FAM168A: variants seen among roughly 807,000 people sequenced by gnomAD.
FAM168A encodes protein FAM168A.
A neutral mutation model predicts 28.5 loss-of-function variants in FAM168A; 3 were observed. That is an observed-to-expected ratio of 0.11 (90% CI 0.05 to 0.27). The LOEUF (loss-of-function observed/expected upper bound fraction) is 0.27, where lower values mean the gene tolerates loss of function less well. Ranked by LOEUF, FAM168A falls within the 10% of genes least tolerant of loss-of-function variation. The probability of loss-of-function intolerance (pLI) is 1.00; values close to 1 mark genes in which losing one functional copy is unlikely to be tolerated. For synonymous variants in FAM168A, 122 were observed against 124.2 expected, an observed-to-expected ratio of 0.98 and a Z score of 0.12; for missense variants, 222 against 311.5, an observed-to-expected ratio of 0.71 and a Z score of 2.16.
intron 1 of FAM168A, among the ~76,000 whole-genome samples, chr11:73,500,912 A>C (rs1048896796): frequency 8.5e-5 from 13 of 152,164 alleles, no homozygotes; most frequent in African/African-American, 2.9e-4. Flanking sequence ...TAAGGAGTCA[A>C]GACCCATTGG....
intron 1 of FAM168A, among the ~76,000 whole-genome samples, chr11:73,514,889 C>T (rs1255549355): frequency 3.3e-5 from 5 of 151,458 alleles, no homozygotes; most frequent in African/African-American, 1.2e-4. Flanking sequence ...ATCACCTGTA[C>T]ACTACTACAT....
At chr11:73,516,534 C>T (rs1338249688) in intron 1 of FAM168A, among the ~76,000 whole-genome samples, 3 of 152,182 alleles carry the variant, frequency 2.0e-5, no homozygotes, top group Non-Finnish European at 4.4e-5. Flanking sequence ...GAACTGAATG[C>T]TGTTACATTT....
At chr11:73,459,542 T>C (rs1867605614) in intron 2 of FAM168A, among the ~76,000 whole-genome samples, 1 of 151,978 alleles carries the variant, frequency 6.6e-6, no homozygotes, top group African/African-American at 2.4e-5. Flanking sequence ...CACACTATGT[T>C]GCACAGGCTG....
chr11:73,558,267 A>G (rs1943913076), intron 1 of FAM168A, among the ~76,000 whole-genome samples: 1 of 152,248 alleles, frequency 6.6e-6, no homozygotes, highest in South Asian at 2.1e-4. Flanking sequence ...ATTCAACATC[A>G]GCTTGGGCAA....
intron 1 of FAM168A, among the ~76,000 whole-genome samples, chr11:73,576,296 A>C (rs1367747473): frequency 6.6e-6 from 1 of 152,206 alleles, no homozygotes; most frequent in Non-Finnish European, 1.5e-5. Context: ...AATAAAGGGA[A>C]TTGTCAGCCA....
intron 1 of FAM168A, among the ~76,000 whole-genome samples, chr11:73,522,578 C>T (rs1312310798): frequency 6.6e-6 from 1 of 151,844 alleles, no homozygotes; most frequent in African/African-American, 2.4e-5. Context: ...CATCATGATC[C>T]ACCCACCTCA....
chr11:73,458,856 C>T (rs1358600591), intron 2 of FAM168A, among the ~76,000 whole-genome samples: 1 of 152,172 alleles, frequency 6.6e-6, no homozygotes, highest in African/African-American at 2.4e-5. Flanking sequence ...ATGATCCGCC[C>T]GCCTTGGCCT....
intron 1 of FAM168A, among the ~76,000 whole-genome samples, chr11:73,503,947 C>T (rs1855060315): frequency 6.6e-6 from 1 of 152,120 alleles, no homozygotes; most frequent in Non-Finnish European, 1.5e-5. Context: ...AACTGGCTGG[C>T]CATATGCAGA....
chr11:73,450,959 T>C lies in FAM168A; in HGVS notation c.70+17446A>G, dbSNP rs115612436. ...AAGAAAAAAACTCTTAGACCAGCTT[T>C]TTCCACAACATACCTGTGCTTATTA... On this transcript the variant is annotated intron_variant, in intron 2 of 7. Coordinates refer to ENST00000356467, the MANE Select transcript of FAM168A (RefSeq NM_015159.3). 7.3e-3 allele frequency among the ~76,000 whole-genome samples: 1,111 copies of C among 152,340 alleles called. 15 individuals are homozygous for C. The highest frequency in any genetic ancestry group is 0.026 in the African/African-American group (1,073 of 41,564).
intron 1 of FAM168A, among the ~76,000 whole-genome samples, chr11:73,544,826 A>G (rs1943708985): frequency 2.1e-5 from 2 of 93,282 alleles, no homozygotes; most frequent in African/African-American, 1.3e-4. Flanking sequence ...TAATAAATTT[A>G]TTATATATAA....
chr11:73,427,322 G>A lies in FAM168A; in HGVS notation c.151+3368C>T, dbSNP rs192028128. Among the ~76,000 whole-genome samples, 29 of 152,160 alleles carry A rather than the reference G, an allele frequency of 1.9e-4. 1 individual carries two copies. In the East Asian group the frequency reaches 5.4e-3, roughly 28 times the overall value. The stretch of plus-strand genomic sequence containing the variant: ...TATGTTGACTTTTAAAAACAAAATT[G>A]GGGAAAATCAAGTTAGATGAGGGCT... On this transcript the variant is annotated intron_variant, in intron 3 of 7. Transcript: ENST00000356467.
At chr11:73,488,952 G>A (rs898010491) in intron 1 of FAM168A, among the ~76,000 whole-genome samples, 18 of 151,990 alleles carry the variant, frequency 1.2e-4, no homozygotes, top group Non-Finnish European at 1.9e-4. Context: ...GCAGTGGTGC[G>A]ATCTCAGCTC....
intron 1 of FAM168A, among the ~76,000 whole-genome samples, chr11:73,533,075 G>A (rs901705707): frequency 6.6e-6 from 1 of 152,162 alleles, no homozygotes; most frequent in Non-Finnish European, 1.5e-5. Context: ...AGTAAGGTTC[G>A]AATCAGACAA....
In FAM168A at chr11:73,479,527, A is replaced by G. The variant is rs773299861; in HGVS notation, c.-18-11035T>C. Among the ~76,000 whole-genome samples the G allele has an allele frequency of 5.1e-4, 78 of 152,154 alleles. 1 individual carries two copies. The highest frequency in any genetic ancestry group is 2.7e-3 in the Admixed American group (42 of 15,274). ...TAATTTGGGAAGGTTTGAGCATGCA[A>G]TCTGAGGGAAAACACAGCAGGGATT... On this transcript the variant is annotated intron_variant, in intron 1 of 7. Coordinates refer to ENST00000356467, the MANE Select transcript of FAM168A (RefSeq NM_015159.3).
intron 4 of FAM168A, among the ~76,000 whole-genome samples, chr11:73,417,711 C>T (rs372533719): frequency 1.6e-4 from 25 of 152,078 alleles, no homozygotes; most frequent in African/African-American, 5.8e-4. Context: ...AGGCACCCGC[C>T]ACCATGCCTG....
intron 2 of FAM168A, among the ~76,000 whole-genome samples, chr11:73,457,770 GAAAAA>G (rs57333728): frequency 9.3e-6 from 1 of 106,954 alleles, no homozygotes; most frequent in Non-Finnish European, 2.1e-5. Flanking sequence ...AGAAAGAAAA[GAAAAA>G]AAAGGCTAAA....
chr11:73,488,438 G>A (rs561292690), intron 1 of FAM168A, among the ~76,000 whole-genome samples: 1 of 152,092 alleles, frequency 6.6e-6, no homozygotes, highest in African/African-American at 2.4e-5. Flanking sequence ...GCCTCATGTC[G>A]GTTCTAAATG....
intron 1 of FAM168A, among the ~76,000 whole-genome samples, chr11:73,550,049 T>C (rs1943807272): frequency 2.0e-5 from 3 of 152,224 alleles, no homozygotes; most frequent in African/African-American, 7.2e-5. Context: ...TTTTATCATA[T>C]CGTTTCATAC....
At chr11:73,536,843 A>G (rs1943588722) in intron 1 of FAM168A, among the ~76,000 whole-genome samples, 1 of 152,210 alleles carries the variant, frequency 6.6e-6, no homozygotes, top group Admixed American at 6.5e-5. Context: ...TTCCAAAGAT[A>G]TCTGTTGTGA....
Sources: gnomAD v4.1 joint callset for allele counts (sites outside exome capture counted in the v4.1 genomes callset) on GRCh38, gnomAD v4.1.1 for gene constraint, MANE v1.5 for transcripts, NCBI Gene and HGNC (gene_info 2026-07-23, HGNC 2026-07-21) for gene names.